Variants in WDR72 observed in about 807,000 individuals in gnomAD.
The protein encoded by WDR72 is WD repeat domain 72.
Under a neutral mutation model 124.2 loss-of-function variants are expected in WDR72, and 120 were observed. The ratio of observed to expected loss-of-function variants is 0.97; its 90% confidence interval spans 0.83 to 1.12. The LOEUF is 1.12. Ranked by LOEUF, WDR72 falls within the 50% of genes most tolerant of loss-of-function variation. The probability of loss-of-function intolerance (pLI) is 0.00; values close to 1 mark genes in which losing one functional copy is unlikely to be tolerated. For synonymous variants in WDR72, 452 were observed against 441.7 expected, an observed-to-expected ratio of 1.02 and a Z score of -0.29; for missense variants, 1,387 against 1,278.8, an observed-to-expected ratio of 1.08 and a Z score of -1.29.
At chr15:53,748,909 T>A (rs1166877264) in intron 1 of WDR72, among the ~76,000 whole-genome samples, 3 of 152,224 alleles carry the variant, frequency 2.0e-5, no homozygotes, top group Non-Finnish European at 4.4e-5. Flanking sequence ...ATATTTATTA[T>A]CTGCTACATG....
rs1227481856 is a variant in WDR72 at position 53,714,501 on chromosome 15, A to G, written c.524T>C (p.Leu175Pro). 6.2e-7 allele frequency: 1 copy of G among 1,613,316 alleles called. No individual in the cohort carries two copies. The highest frequency in any genetic ancestry group is 2.2e-5 in the East Asian group (1 of 44,840). Reference sequence around the variant, plus strand: ...CTCACCAGCTACTGATACCACCAAGAGAGAATCTTCTGTGAAAATAATAAA... The same window carrying G: ...CTCACCAGCTACTGATACCACCAAGGGAGAATCTTCTGTGAAAATAATAAA... ...VHSMRIQEDS[L>P]LVVSVAGELK... Residue 175 changes from leucine to proline, a missense_variant, in exon 6 of 20, where the codon CTC becomes CCC. Physicochemically the swap from Leu to Pro is moderately conservative, Grantham distance 98. Transcript: ENST00000360509.
intron 12 of WDR72, among the ~76,000 whole-genome samples, chr15:53,701,554 C>T (rs1013761269): frequency 5.1e-5 from 6 of 117,188 alleles, no homozygotes; most frequent in African/African-American, 1.7e-4. Flanking sequence ...CTCTCTCTCT[C>T]TCTCTCACAC....
chr15:53,745,049 G>C (rs891025751), intron 1 of WDR72, among the ~76,000 whole-genome samples: 8 of 139,468 alleles, frequency 5.7e-5, no homozygotes, highest in African/African-American at 2.1e-4. Context: ...AAAAAAAAAG[G>C]GCAAGAAAAT....
intron 19 of WDR72, among the ~76,000 whole-genome samples, chr15:53,522,802 G>C (rs963490608): frequency 6.6e-6 from 1 of 152,000 alleles, no homozygotes; most frequent in African/African-American, 2.4e-5. Context: ...TTTGTTTCTA[G>C]AAAGGTAAAT....
rs377711188 is a variant in WDR72 at position 53,699,900 on chromosome 15, C to A, written c.1615G>T (p.Val539Leu). ...TTTCCCTCAAGGTGAAGGAGAGCCA[C>A]GGAATGGTCACCGCACACACAGCAA... ...IICCVCGDHS[V>L]ALLHLEGKSC... is the part of the protein sequence containing the mutation. Residue 539 changes from valine (V) to leucine (L), a missense_variant, in exon 13 of 20, where the codon GTG becomes TTG. Transcript: ENST00000360509. 1.3e-5 allele frequency: 21 copies of A among 1,614,016 alleles called. No homozygotes were observed. In the African/African-American group the frequency reaches 2.0e-4, roughly 15 times the overall value.
chr15:53,691,771 G>A (rs17631603), intron 13 of WDR72, among the ~76,000 whole-genome samples: 89,566 of 151,920 alleles, frequency 0.59, 27,193 homozygotes, highest in East Asian at 0.82. Context: ...ATTACCATGA[G>A]GAAACTAGGG....
chr15:53,715,449 T>G, intron 4 of WDR72, 82 bp from the exon 5 acceptor site: 2 of 1,529,750 alleles, frequency 1.3e-6, no homozygotes, highest in Non-Finnish European at 9.0e-7. Flanking sequence ...TTCTCTAGAC[T>G]TTAGTTTTAG....
intron 18 of WDR72, among the ~76,000 whole-genome samples, chr15:53,524,023 AC>A (rs1891967352): frequency 6.6e-6 from 1 of 152,058 alleles, no homozygotes; most frequent in Admixed American, 6.6e-5. Context: ...TGAGAAACAG[AC>A]TGAAGTTTCC....
At chr15:53,566,960 A>G (rs911688369) in intron 18 of WDR72, among the ~76,000 whole-genome samples, 1 of 151,894 alleles carries the variant, frequency 6.6e-6, no homozygotes, top group Admixed American at 6.6e-5. Flanking sequence ...GTCTTGATAC[A>G]TTTCTTTAAA....
At chr15:53,671,992 A>AGC (rs2016007196) in intron 13 of WDR72, among the ~76,000 whole-genome samples, 1 of 146,598 alleles carries the variant, frequency 6.8e-6, no homozygotes, top group Non-Finnish European at 1.5e-5. Flanking sequence ...AGGGAGGGAG[A>AGC]GAGCGAGAGA....
intron 12 of WDR72, among the ~76,000 whole-genome samples, chr15:53,700,986 A>G (rs1439064816): frequency 6.6e-6 from 1 of 152,196 alleles, no homozygotes; most frequent in Non-Finnish European, 1.5e-5. Context: ...GACTATGGAG[A>G]AATAATGTTT....
intron 14 of WDR72, among the ~76,000 whole-genome samples, chr15:53,622,396 A>G (rs2014030696): frequency 6.6e-6 from 1 of 152,186 alleles, no homozygotes; most frequent in Non-Finnish European, 1.5e-5. Context: ...TCAATGATAG[A>G]CTGGATAAGG....
At position 53,517,127 on chromosome 15, in the gene WDR72, G is replaced by C. The variant is rs16966157; in HGVS notation, c.*572C>G. The C allele has an allele frequency of 0.053, 8,483 of 159,550 alleles. 814 individuals carry two copies. Among genetic ancestry groups the C allele is most frequent in the African/African-American group, 0.19 (8,046 of 41,518 alleles). The allele number at this position is 159,550 out of a possible 1,614,324, so 9.9% of individuals were successfully genotyped here. A position where few individuals can be genotyped will look rare whatever the true frequency, so the allele number is the denominator to read the frequency against. On this transcript the variant is annotated 3_prime_UTR_variant, in exon 20 of 20. Coordinates refer to ENST00000360509, the MANE Select transcript of WDR72 (RefSeq NM_182758.4). ...TTTGTATCTCTTATTTGGGCTAATT[G>C]ATAACTAAATGGAACTGGGTATTTG... is the stretch of plus-strand genomic sequence containing the variant.
At chr15:53,671,890 C>T (rs74015851) in intron 13 of WDR72, among the ~76,000 whole-genome samples, 2 of 148,148 alleles carry the variant, frequency 1.3e-5, no homozygotes, top group Non-Finnish European at 3.0e-5. Context: ...AGAAAATGCA[C>T]AGAGAGAGAC....
chr15:53,753,843 C>T (rs532936820), intron 1 of WDR72, among the ~76,000 whole-genome samples: 1 of 152,246 alleles, frequency 6.6e-6, no homozygotes. Context: ...CTCAAGTAAT[C>T]CACACATCTA....
At chr15:53,527,426 GA>G (rs149835312) in intron 18 of WDR72, among the ~76,000 whole-genome samples, 1 of 151,898 alleles carries the variant, frequency 6.6e-6, no homozygotes, top group African/African-American at 2.4e-5. Flanking sequence ...GTGGCCACTG[GA>G]AAAAAGTCTC....
At chr15:53,703,674 C>T (rs1377585387) in intron 11 of WDR72, among the ~76,000 whole-genome samples, 1 of 152,042 alleles carries the variant, frequency 6.6e-6, no homozygotes, top group Non-Finnish European at 1.5e-5. Context: ...TGACACACTA[C>T]TGTGCTAGGG....
At chr15:53,668,659 T>C (rs1369666368) in intron 13 of WDR72, among the ~76,000 whole-genome samples, 3 of 152,004 alleles carry the variant, frequency 2.0e-5, no homozygotes, top group Admixed American at 1.3e-4. Flanking sequence ...ATCTTAGCAC[T>C]TTGGGAGGGC....
At chr15:53,639,611 T>C (rs759943575) in intron 14 of WDR72, among the ~76,000 whole-genome samples, 3 of 149,444 alleles carry the variant, frequency 2.0e-5, no homozygotes, top group Non-Finnish European at 3.0e-5. Context: ...AAAAATTCTT[T>C]TCTTGCCTTA....
Sources: gnomAD v4.1 joint callset for allele counts (sites outside exome capture counted in the v4.1 genomes callset) on GRCh38, gnomAD v4.1.1 for gene constraint, MANE v1.5 for transcripts, NCBI Gene and HGNC (gene_info 2026-07-23, HGNC 2026-07-21) for gene names.